The following SIGLEC1 variants were observed in gnomAD, a reference collection of about 807,000 sequenced individuals.
SIGLEC1 encodes the protein sialic acid binding Ig like lectin 1.
A neutral mutation model predicts 148.0 loss-of-function variants in SIGLEC1; 132 were observed. The observed-to-expected ratio is 0.89, with a 90% CI of 0.77 to 1.03. SIGLEC1 has a LOEUF of 1.03. Ranked by LOEUF, SIGLEC1 falls within the 50% of genes least tolerant of loss-of-function variation. SIGLEC1 has a pLI of 0.00. For synonymous variants in SIGLEC1, 945 were observed against 969.0 expected, an observed-to-expected ratio of 0.98 and a Z score of 0.46; for missense variants, 2,253 against 2,271.4, an observed-to-expected ratio of 0.99 and a Z score of 0.16.
chr20:3,696,676 C>T lies in SIGLEC1; in HGVS notation c.2593G>A (p.Glu865Lys), dbSNP rs1402519050. The change falls in exon 11 of 22, where the codon GAA becomes AAA. Residue 865 changes from glutamate (E) to lysine (K), a missense_variant. By Grantham distance (56) the Glu-to-Lys change is moderately conservative (BLOSUM62 1). Transcript: ENST00000344754. ...CTGCCAGAGTCCCCAAGGCCCAGTTCTCGGACCTCTAACTTCAGGGAGTTG... is the reference window on the plus strand; with the variant it reads ...CTGCCAGAGTCCCCAAGGCCCAGTTTTCGGACCTCTAACTTCAGGGAGTTG... ...EANSLKLEVR[E>K]LGLGDSGSYR... The T allele has an allele frequency of 5.0e-6, 8 of 1,613,832 alleles. No homozygotes were observed. The highest frequency in any genetic ancestry group is 6.8e-6 in the Non-Finnish European group (8 of 1,180,014).
chr20:3,697,524 G>C (rs568350467), intron 9 of SIGLEC1, among the ~76,000 whole-genome samples, 182 bp from the exon 10 acceptor site: 1 of 151,306 alleles, frequency 6.6e-6, no homozygotes, highest in African/African-American at 2.5e-5. Flanking sequence ...TGGGGGCCCT[G>C]GGCAGAGAGG....
chr20:3,689,894 A>G, intron 19 of SIGLEC1, 68 bp downstream of exon 19: 5 of 1,380,126 alleles, frequency 3.6e-6, no homozygotes, highest in Non-Finnish European at 5.1e-6. Flanking sequence ...ACAGGGAAGG[A>G]AGCCTTTGGG....
chr20:3,708,790 G>A lies in SIGLEC1; in HGVS notation c.-109-1553C>T, dbSNP rs575091075. On this transcript the variant is annotated intron_variant, in intron 1 of 21. Coordinates refer to ENST00000344754, the MANE Select transcript of SIGLEC1 (RefSeq NM_023068.4). ...CAGCTGGGTGCGGTGGCTCACGCCT[G>A]TAATCCCAGCACTTTGGGAGGCTGA... is the stretch of plus-strand genomic sequence containing the variant. Among the ~76,000 whole-genome samples the A allele has an allele frequency of 9.2e-5, 14 of 152,244 alleles. No individual in the cohort carries two copies. In the South Asian group the frequency reaches 2.9e-3, roughly 32 times the overall value.
At position 3,690,029 on chromosome 20, in the gene SIGLEC1, C is replaced by CA. The variant is rs2088740231; in HGVS notation, c.4826_4827insT (p.Glu1610GlyfsTer63). On this transcript the variant is annotated frameshift_variant, in exon 19 of 22. Transcript: ENST00000344754. LOFTEE classifies it high-confidence loss of function. ...CATTTGAGGCAGAACAGATGTATTCCCCTTGGTCGCTGGGCCTCAGCGCCT... is the reference window on the plus strand; with the variant it reads ...CATTTGAGGCAGAACAGATGTATTCCACCTTGGTCGCTGGGCCTCAGCGCCT... 2 of 1,612,930 alleles carry CA rather than the reference C, an allele frequency of 1.2e-6. No individual in the cohort carries two copies. The highest frequency in any genetic ancestry group is 2.7e-5 in the African/African-American group (2 of 74,900).
chr20:3,688,504 G>T lies in SIGLEC1; in HGVS notation c.*56C>A. 7.3e-7 allele frequency: 1 copy of T among 1,376,852 alleles called. No homozygotes were observed. The highest frequency in any genetic ancestry group is 1.0e-6 in the Non-Finnish European group (1 of 986,592). 85.3% of individuals were successfully genotyped at this position (1,376,852 alleles called of 1,614,324 possible). ...ACTGCCTCATTCACATTCATAGGCTGGAGTCATCACAGATTCTGGCCACTT... is the reference window on the plus strand; with the variant it reads ...ACTGCCTCATTCACATTCATAGGCTTGAGTCATCACAGATTCTGGCCACTT... On this transcript the variant is annotated 3_prime_UTR_variant, in exon 22 of 22. Coordinates refer to ENST00000344754, the MANE Select transcript of SIGLEC1 (RefSeq NM_023068.4).
At position 3,693,580 on chromosome 20, in the gene SIGLEC1, C is replaced by A. The variant is rs763971456; in HGVS notation, c.3375G>T (p.Gly1125=). The change falls in exon 14 of 22, where the codon GGG becomes GGT. Residue 1125 remains glycine (G), a synonymous_variant. Transcript: ENST00000344754. ...TGGAGTGGGCATCCAGGCGCTGCTG[C>A]CCATCCTGGTACCATGTGTAGGTGA... The part of the protein sequence containing the change: ...AQLTYTWYQD[G]QQRLDAHSIP... 6.2e-7 allele frequency: 1 copy of A among 1,612,696 alleles called. No homozygotes were observed. The highest frequency in any genetic ancestry group is 8.5e-7 in the Non-Finnish European group (1 of 1,179,620).
chr20:3,705,676 G>T, intron 4 of SIGLEC1, 68 bp downstream of exon 4: 3 of 1,502,740 alleles, frequency 2.0e-6, no homozygotes, highest in South Asian at 1.3e-5. Context: ...GTGGGCTGGA[G>T]AGGGGCTGGT....
Position 3,706,505 on chromosome 20 carries a change from C to G in SIGLEC1, c.251G>C (p.Arg84Pro). The change falls in exon 3 of 22, where the codon CGC becomes CCC. Residue 84 changes from arginine to proline, a missense_variant. Physicochemically the swap from Arg to Pro is moderately radical, Grantham distance 103. Coordinates refer to ENST00000344754, the MANE Select transcript of SIGLEC1 (RefSeq NM_023068.4). ...ADPKLVEARF[R>P]GRTEFMGNPE... ...GTTCCCCATGAACTCGGTGCGGCCGCGGAAGCGGGCCTCCACCAGCTTGGG... is the reference window on the plus strand; with the variant it reads ...GTTCCCCATGAACTCGGTGCGGCCGGGGAAGCGGGCCTCCACCAGCTTGGG... 1 of 1,613,520 alleles carries G rather than the reference C, an allele frequency of 6.2e-7. No homozygotes were observed. The highest frequency in any genetic ancestry group is 1.1e-5 in the South Asian group (1 of 91,086).
At chr20:3,698,462 A>T (rs1321456390) in intron 8 of SIGLEC1, among the ~76,000 whole-genome samples, 1 of 152,220 alleles carries the variant, frequency 6.6e-6, no homozygotes, top group Admixed American at 6.5e-5. Flanking sequence ...CCCACCTAGC[A>T]ATCCCTGGGG....
intron 9 of SIGLEC1, 69 bp from the exon 10 acceptor site, chr20:3,697,411 C>G (rs2087812114): frequency 2.5e-6 from 4 of 1,595,758 alleles, no homozygotes; most frequent in African/African-American, 1.3e-5. Flanking sequence ...AGCCGCCCAG[C>G]CTGGAAGGAG....
At chr20:3,711,020 C>T (rs963990201) in intron 1 of SIGLEC1, among the ~76,000 whole-genome samples, 1 of 152,202 alleles carries the variant, frequency 6.6e-6, no homozygotes, top group African/African-American at 2.4e-5. Flanking sequence ...GCCCCGCCCC[C>T]CGCCCCCCGC....
chr20:3,705,572 A>C (rs577986657), intron 4 of SIGLEC1, among the ~76,000 whole-genome samples, 172 bp downstream of exon 4: 1 of 152,280 alleles, frequency 6.6e-6, no homozygotes, highest in East Asian at 1.9e-4. Flanking sequence ...CCATTTAACG[A>C]AGTCCTTGGG....
intron 6 of SIGLEC1, 170 bp downstream of exon 6, chr20:3,703,027 A>G: frequency 1.5e-6 from 1 of 660,102 alleles, no homozygotes; most frequent in Non-Finnish European, 2.6e-6. Flanking sequence ...GGAGGGAACT[A>G]GGGAGGTCAA....
rs141113139 is a variant in SIGLEC1 at position 3,697,735 on chromosome 20, G to A, written c.2122+63C>T. 2.8e-3 allele frequency: 4,261 copies of A among 1,496,476 alleles called. 12 individuals are homozygous for A. The highest frequency in any genetic ancestry group is 4.7e-3 in the Middle Eastern group (22 of 4,692). 92.7% of individuals were successfully genotyped at this position (1,496,476 alleles called of 1,614,324 possible). A position where few individuals can be genotyped will look rare whatever the true frequency, so the allele number is the denominator to read the frequency against. On this transcript the variant is annotated intron_variant, in intron 9 of 21. Transcript: ENST00000344754. ...GGTTTTGCCTGATTAGATCCTCCTC[G>A]GAGCAGAACAGTCCAGAGCTCCAGC...
chr20:3,706,945 C>T (rs548903768), intron 2 of SIGLEC1, 135 bp downstream of exon 2: 32 of 1,104,048 alleles, frequency 2.9e-5, no homozygotes, highest in Non-Finnish European at 4.2e-5. Flanking sequence ...CTGCCCAGCT[C>T]CTGGCCACTG....
chr20:3,694,309 C>T lies in SIGLEC1; in HGVS notation c.3168G>A (p.Gly1056=). 6.2e-7 allele frequency: 1 copy of T among 1,613,156 alleles called. No individual in the cohort carries two copies. The change falls in exon 13 of 22, where the codon GGG becomes GGA. Residue 1056 remains glycine, a synonymous_variant. Coordinates refer to ENST00000344754, the MANE Select transcript of SIGLEC1 (RefSeq NM_023068.4). ...AGACACCCTCATCCTCCAGCATAGC[C>T]CCGTGGATCTCCAGACGCAGTGTGT... is the stretch of plus-strand genomic sequence containing the variant. ...APNTLRLEIH[G]AMLEDEGVYI...
At chr20:3,704,891 TG>T (rs1393035293) in intron 4 of SIGLEC1, among the ~76,000 whole-genome samples, 1 of 152,260 alleles carries the variant, frequency 6.6e-6, no homozygotes, top group Non-Finnish European at 1.5e-5. Flanking sequence ...CCCAAAGCAC[TG>T]GGGTTACAGG....
intron 21 of SIGLEC1, 100 bp downstream of exon 21, chr20:3,689,055 G>A: frequency 9.5e-7 from 1 of 1,054,744 alleles, no homozygotes; most frequent in Non-Finnish European, 1.5e-6. Context: ...CCTCCCCTTG[G>A]TCCCAGGCAC....
At chr20:3,688,869 G>GT in intron 21 of SIGLEC1, 1 of 597,904 alleles carries the variant, frequency 1.7e-6, no homozygotes, top group Non-Finnish European at 3.0e-6. Context: ...CAGAACAAAG[G>GT]TGGGGGAGTC....
Sources: allele counts gnomAD v4.1 joint callset (sites outside exome capture counted in the v4.1 genomes callset), GRCh38; gene constraint gnomAD v4.1.1; transcripts MANE v1.5; gene names NCBI Gene and HGNC (gene_info 2026-07-23, HGNC 2026-07-21).